The following RICTOR variants were observed in gnomAD, a reference collection of about 807,000 sequenced individuals.
The protein encoded by RICTOR is RPTOR independent companion of MTOR complex 2, also known as rapamycin-insensitive companion of mTOR.
In RICTOR, 49 loss-of-function variants were observed where a neutral mutation model predicts 214.9. That is an observed-to-expected ratio of 0.23 (90% CI 0.18 to 0.29). The LOEUF (loss-of-function observed/expected upper bound fraction) is 0.29, where lower values mean the gene tolerates loss of function less well. Ranked by LOEUF, RICTOR falls within the 10% of genes least tolerant of loss-of-function variation. RICTOR has a pLI of 1.00. For missense variants in RICTOR, 1,625 were observed against 2,047.0 expected, an observed-to-expected ratio of 0.79 and a Z score of 3.98; for synonymous variants, 717 against 711.3, an observed-to-expected ratio of 1.01 and a Z score of -0.13.
At chr5:38,991,363 G>T (rs1752761157) in intron 6 of RICTOR, among the ~76,000 whole-genome samples, 2 of 151,998 alleles carry the variant, frequency 1.3e-5, no homozygotes, top group Non-Finnish European at 2.9e-5. Context: ...CTAGAATAGG[G>T]CCTAAATCTT....
intron 3 of RICTOR, among the ~76,000 whole-genome samples, chr5:39,008,731 A>C (rs555585288): frequency 6.2e-4 from 95 of 152,046 alleles, no homozygotes; most frequent in Middle Eastern, 3.4e-3. Context: ...TTAAAAAAAA[A>C]CTGCCCATTT....
chr5:39,004,562 T>A (rs1193035259), intron 3 of RICTOR, among the ~76,000 whole-genome samples: 1 of 151,220 alleles, frequency 6.6e-6, no homozygotes, highest in African/African-American at 2.4e-5. Context: ...CGGGTTCAAG[T>A]GATTCTCCCG....
intron 2 of RICTOR, among the ~76,000 whole-genome samples, chr5:39,053,172 A>G (rs1757965035): frequency 6.6e-6 from 1 of 152,236 alleles, no homozygotes; most frequent in African/African-American, 2.4e-5. Context: ...CCTAACCAAT[A>G]AAACTTTCTC....
At chr5:38,955,541 T>C (rs1749179513) in intron 26 of RICTOR, 54 bp downstream of exon 26, 1 of 953,302 alleles carries the variant, frequency 1.0e-6, no homozygotes, top group East Asian at 2.4e-5. Context: ...AACTCAGAAA[T>C]GTTAAAAATA....
At chr5:39,030,270 A>C (rs1331079649) in intron 2 of RICTOR, among the ~76,000 whole-genome samples, 2 of 152,304 alleles carry the variant, frequency 1.3e-5, no homozygotes, top group East Asian at 3.9e-4. Context: ...TCCTTAAAAA[A>C]ACTTTTTTCA....
chr5:39,030,447 C>T (rs1269806620), intron 2 of RICTOR, among the ~76,000 whole-genome samples: 1 of 152,118 alleles, frequency 6.6e-6, no homozygotes, highest in East Asian at 1.9e-4. Context: ...TTCTTATTCA[C>T]TATCCCATCA....
chr5:39,016,512 T>C (rs1191783289), intron 3 of RICTOR, among the ~76,000 whole-genome samples: 2 of 151,786 alleles, frequency 1.3e-5, no homozygotes, highest in Non-Finnish European at 2.9e-5. Flanking sequence ...GCGAATAACT[T>C]AGTGAAATAC....
At chr5:38,946,084 A>G (rs567981982) in intron 33 of RICTOR, among the ~76,000 whole-genome samples, 1 of 152,306 alleles carries the variant, frequency 6.6e-6, no homozygotes, top group Admixed American at 6.5e-5. Flanking sequence ...TTACATATTA[A>G]AATATAACAG....
chr5:39,019,742 C>T (rs1479480666), intron 3 of RICTOR, among the ~76,000 whole-genome samples: 5 of 152,022 alleles, frequency 3.3e-5, no homozygotes, highest in African/African-American at 4.8e-5. Flanking sequence ...GCCCATGAAT[C>T]GGGGAATTGG....
Position 38,942,221 on chromosome 5 carries a change from T to C in RICTOR, c.*83A>G. Reference sequence around the variant, plus strand: ...AGATACTCCTGTCTTTGCTGCCTAGTCAGTCGTATTTTCTGAGGCTTTTAG... The same window carrying C: ...AGATACTCCTGTCTTTGCTGCCTAGCCAGTCGTATTTTCTGAGGCTTTTAG... On this transcript the variant is annotated 3_prime_UTR_variant, in exon 38 of 38. Transcript: ENST00000357387. 2 of 767,956 alleles carry C rather than the reference T, an allele frequency of 2.6e-6. No individual in the cohort carries two copies. The highest frequency in any genetic ancestry group is 4.4e-6 in the Non-Finnish European group (2 of 458,524). 47.6% of individuals were successfully genotyped at this position (767,956 alleles called of 1,614,324 possible). A position where few individuals can be genotyped will look rare whatever the true frequency, so the allele number is the denominator to read the frequency against.
intron 15 of RICTOR, among the ~76,000 whole-genome samples, chr5:38,965,578 A>G (rs1263972526): frequency 6.6e-6 from 1 of 152,052 alleles, no homozygotes; most frequent in Non-Finnish European, 1.5e-5. Flanking sequence ...AACTCTGAAT[A>G]TTGGTATTCT....
In RICTOR at chr5:38,944,569, C is replaced by T. The variant is rs936122864; in HGVS notation, c.4790G>A (p.Gly1597Asp). ...TGTATCATCTGGAATTGTTTTAACA[C>T]CTGAAAAGATTTCAGGGAGAAGTTA... ...SSTKSTELLL[G>D]VKTIPDDTPM... Residue 1597 changes from glycine (G) to aspartate (D), a missense_variant and splice_region_variant, in exon 36 of 38, where the codon GGT (glycine) becomes GAT (aspartate). Physicochemically the swap from Gly to Asp is moderately conservative, Grantham distance 94 (BLOSUM62 -1). Transcript: ENST00000357387. The T allele has an allele frequency of 1.3e-5, 20 of 1,585,838 alleles. No individual in the cohort carries two copies. Among genetic ancestry groups the T allele is most frequent in the Non-Finnish European group, 1.5e-5 (18 of 1,170,548 alleles).
intron 5 of RICTOR, among the ~76,000 whole-genome samples, chr5:38,999,309 A>C (rs1753436460): frequency 6.6e-6 from 1 of 152,144 alleles, no homozygotes; most frequent in Non-Finnish European, 1.5e-5. Context: ...AAATCTTTAA[A>C]GCAGCCAGAG....
intron 5 of RICTOR, among the ~76,000 whole-genome samples, chr5:39,001,352 A>C (rs1320797527): frequency 6.6e-6 from 1 of 152,118 alleles, no homozygotes; most frequent in African/African-American, 2.4e-5. Context: ...TTTCAATAAA[A>C]GGTGCTAATT....
intron 3 of RICTOR, among the ~76,000 whole-genome samples, chr5:39,017,502 C>T (rs182739848): frequency 6.6e-6 from 1 of 152,052 alleles, no homozygotes; most frequent in East Asian, 1.9e-4. Context: ...CTTTTGAAAG[C>T]CCGTTCTCCA....
At chr5:39,033,260 C>CA (rs1372612920) in intron 2 of RICTOR, among the ~76,000 whole-genome samples, 1 of 144,586 alleles carries the variant, frequency 6.9e-6, no homozygotes, top group Non-Finnish European at 1.5e-5. Context: ...GTGTCCTACT[C>CA]TTTTTTTTTT....
At chr5:39,033,248 C>T (rs181269646) in intron 2 of RICTOR, among the ~76,000 whole-genome samples, 16 of 152,030 alleles carry the variant, frequency 1.1e-4, no homozygotes, top group Admixed American at 3.3e-4. Context: ...CTTCTTGTAC[C>T]AGTGTCCTAC....
At position 38,956,174 on chromosome 5, in the gene RICTOR, C is replaced by A. The variant is rs1313584310; in HGVS notation, c.2500-470G>T. On this transcript the variant is annotated intron_variant, in intron 25 of 37. Transcript: ENST00000357387. ...GTCCTCATCTAATCAACCTAACTAC[C>A]AGTGAAGTTCAGGCACTCATCAATT... Among the ~76,000 whole-genome samples the A allele has an allele frequency of 8.6e-5, 13 of 151,996 alleles. 1 individual carries two copies. Among genetic ancestry groups the A allele is most frequent in the Non-Finnish European group, 1.9e-4 (13 of 67,940 alleles).
chr5:38,955,878 C>T (rs943605753), intron 25 of RICTOR, among the ~76,000 whole-genome samples, 174 bp from the exon 26 acceptor site: 4 of 151,930 alleles, frequency 2.6e-5, no homozygotes, highest in African/African-American at 9.7e-5. Context: ...CTAATGACCC[C>T]CATATCTGCC....
Sources: allele counts gnomAD v4.1 joint callset (sites outside exome capture counted in the v4.1 genomes callset), GRCh38; gene constraint gnomAD v4.1.1; transcripts MANE v1.5; gene names NCBI Gene and HGNC (gene_info 2026-07-23, HGNC 2026-07-21).